The following STARD8 variants were observed in gnomAD, a reference collection of about 807,000 sequenced individuals.
The protein encoded by STARD8 is StAR related lipid transfer domain containing 8, also known as stAR-related lipid transfer protein 8.
STARD8 carries 25 observed loss-of-function variants against 69.4 expected under a neutral mutation model. The ratio of observed to expected loss-of-function variants is 0.36; its 90% confidence interval spans 0.26 to 0.50. STARD8 has a LOEUF of 0.50. Ranked by LOEUF, STARD8 falls within the 20% of genes least tolerant of loss-of-function variation. The pLI, the probability that STARD8 is intolerant of heterozygous loss-of-function variation, is 0.96. For missense variants in STARD8, 921 were observed against 932.5 expected, an observed-to-expected ratio of 0.99 and a Z score of 0.16; for synonymous variants, 389 against 374.6, an observed-to-expected ratio of 1.04 and a Z score of -0.45.
intron 7 of STARD8, among the ~76,000 whole-genome samples, chrX:68,719,769 T>G (rs2080131280): frequency 8.9e-6 from 1 of 112,315 alleles, no homozygotes; most frequent in Non-Finnish European, 1.9e-5. Context: ...CTACCGCTCC[T>G]AAGCAACCCC....
intron 2 of STARD8, among the ~76,000 whole-genome samples, chrX:68,700,756 G>A (rs1242784726): frequency 1.8e-5 from 2 of 111,725 alleles, no homozygotes; most frequent in African/African-American, 6.5e-5. Flanking sequence ...GGGGAATGTG[G>A]AAAAGGGGTC....
intron 3 of STARD8, 40 bp downstream of exon 3, chrX:68,713,025 A>T (rs1012535264): frequency 1.7e-6 from 2 of 1,148,372 alleles, no homozygotes; most frequent in Non-Finnish European, 2.4e-6. Flanking sequence ...TACTTCCCCT[A>T]GCCCTCAGTT....
chrX:68,675,434 C>A (rs1875197217), intron 2 of STARD8, among the ~76,000 whole-genome samples: 1 of 110,951 alleles, frequency 9.0e-6, no homozygotes, highest in South Asian at 3.8e-4. Context: ...AAATACCCAA[C>A]TCCTGAGTTG....
rs1398748833 is a variant in STARD8, at chrX:68,725,682, A to G, written c.*1260A>G. The G allele has an allele frequency of 5.6e-5, 6 of 107,305 alleles. No homozygotes were observed. The highest frequency in any genetic ancestry group is 2.0e-4 in the Admixed American group (2 of 9,961). 8.8% of individuals were successfully genotyped at this position (107,305 alleles called of 1,213,427 possible). A position where few individuals can be genotyped will look rare whatever the true frequency, so the allele number is the denominator to read the frequency against. On this transcript the variant is annotated 3_prime_UTR_variant, in exon 15 of 15. Transcript: ENST00000374599. ...TATATATACACACACGCATTTGCAC[A>G]GACACACACATATATCAATTCTCAT...
In STARD8 at chrX:68,701,538, GT is replaced by G. The variant is rs1048276991; in HGVS notation, c.80-11375del. 1.2e-4 allele frequency among the ~76,000 whole-genome samples: 13 copies of G among 113,030 alleles called. No homozygotes were observed. In the Admixed American group the frequency reaches 1.2e-3, roughly 10 times the overall value. ...CCCCAGGTCCTTGCCTGTCTGCTCTGTGCACTTCTTCTCACCCTCCATCACC... is the reference window on the plus strand; with the variant it reads ...CCCCAGGTCCTTGCCTGTCTGCTCTGGCACTTCTTCTCACCCTCCATCACC... On this transcript the variant is annotated intron_variant, in intron 2 of 14. Coordinates refer to ENST00000374599, the MANE Select transcript of STARD8 (RefSeq NM_001142503.3).
chrX:68,720,911 C>T lies in STARD8; in HGVS notation c.2050-13C>T. The T allele has an allele frequency of 1.7e-6, 2 of 1,207,396 alleles. No homozygotes were observed. The highest frequency in any genetic ancestry group is 1.8e-5 in the South Asian group (1 of 56,429). ...ATGTTTTCCTCACTCCCTCCCTCCC[C>T]TGCATGGAGTAGGTAGGCATCTTCC... On this transcript the variant is annotated splice_polypyrimidine_tract_variant and intron_variant, in intron 8 of 14. Transcript: ENST00000374599.
intron 1 of STARD8, among the ~76,000 whole-genome samples, chrX:68,652,839 A>AC: frequency 4.7e-5 from 2 of 42,948 alleles, no homozygotes; most frequent in South Asian, 1.4e-3. Context: ...CACCCCACAC[A>AC]CACCCCCACA....
At chrX:68,701,903 C>T (rs1218336526) in intron 2 of STARD8, among the ~76,000 whole-genome samples, 1 of 111,776 alleles carries the variant, frequency 8.9e-6, no homozygotes, top group African/African-American at 3.3e-5. Context: ...CACTAGCTGG[C>T]GTGTCCCATG....
chrX:68,724,479 A>G lies in STARD8; in HGVS notation c.*57A>G, dbSNP rs1171841052. 2 of 1,037,957 alleles carry G rather than the reference A, an allele frequency of 1.9e-6. No homozygotes were observed. Among genetic ancestry groups the G allele is most frequent in the Admixed American group, 5.0e-5 (2 of 40,179 alleles). The allele number at this position is 1,037,957 out of a possible 1,213,427, so 85.5% of individuals were successfully genotyped here. A position where few individuals can be genotyped will look rare whatever the true frequency, so the allele number is the denominator to read the frequency against. On this transcript the variant is annotated 3_prime_UTR_variant, in exon 15 of 15. Coordinates refer to ENST00000374599, the MANE Select transcript of STARD8 (RefSeq NM_001142503.3). The stretch of plus-strand genomic sequence containing the variant: ...AGGCCCCCTGGGCACCAAGGGAGCG[A>G]GGGGGAATAAGAGCAGGGCAGCCCC...
chrX:68,670,511 A>G (rs1201681435), intron 2 of STARD8, among the ~76,000 whole-genome samples: 1 of 111,181 alleles, frequency 9.0e-6, no homozygotes, highest in Non-Finnish European at 1.9e-5. Context: ...TGTTTTCAAG[A>G]GTGCAAGACA....
chrX:68,718,796 T>C (rs758668117), intron 6 of STARD8, among the ~76,000 whole-genome samples, 167 bp downstream of exon 6: 1 of 111,708 alleles, frequency 9.0e-6, no homozygotes, highest in African/African-American at 3.3e-5. Flanking sequence ...TCCAGAAAGT[T>C]AGGTCCAGAA....
At chrX:68,711,030 C>A (rs1216235507) in intron 2 of STARD8, among the ~76,000 whole-genome samples, 1 of 111,920 alleles carries the variant, frequency 8.9e-6, no homozygotes, top group East Asian at 2.8e-4. Context: ...GGTCTTACAT[C>A]ACCTAGACTA....
chrX:68,702,472 G>T (rs775610875), intron 2 of STARD8, among the ~76,000 whole-genome samples: 44 of 112,384 alleles, frequency 3.9e-4, no homozygotes, highest in African/African-American at 1.3e-3. Flanking sequence ...CATACAGGAT[G>T]ATCAAGTGCT....
intron 2 of STARD8, among the ~76,000 whole-genome samples, chrX:68,688,687 C>T (rs1238634043): frequency 8.9e-6 from 1 of 111,964 alleles, no homozygotes; most frequent in African/African-American, 3.2e-5. Flanking sequence ...CTGGGAGCAA[C>T]GCTGGGGGCA....
chrX:68,668,376 C>A (rs965503558), intron 2 of STARD8, among the ~76,000 whole-genome samples: 1 of 102,322 alleles, frequency 9.8e-6, no homozygotes, highest in South Asian at 4.6e-4. Context: ...CAGGCTGAAG[C>A]GCAGTGGTGC....
chrX:68,653,322 ACACACACACCCCACACAC>A (rs2079582953), intron 1 of STARD8, among the ~76,000 whole-genome samples: 2 of 26,798 alleles, frequency 7.5e-5, no homozygotes, highest in Non-Finnish European at 1.4e-4. Flanking sequence ...CACACACCAC[ACACACACACCCCACACAC>A]CACACACACC....
intron 2 of STARD8, chrX:68,693,761 G>T (rs748477708): frequency 3.3e-5 from 25 of 753,883 alleles, no homozygotes; most frequent in Non-Finnish European, 3.9e-5. Flanking sequence ...GTCCCTCCTG[G>T]GCTCGCCTCC....
At chrX:68,706,837 T>C (rs751542549) in intron 2 of STARD8, among the ~76,000 whole-genome samples, 1 of 113,049 alleles carries the variant, frequency 8.8e-6, no homozygotes, top group Admixed American at 9.2e-5. Context: ...TTAAGAGGGG[T>C]CCCTCTCTAG....
In STARD8 at chrX:68,718,152, T is replaced by C; in HGVS notation, c.1238T>C (p.Leu413Pro). Residue 413 changes from leucine to proline, a missense_variant, in exon 6 of 15, where the codon CTG becomes CCG. Physicochemically the swap from Leu to Pro is moderately conservative, Grantham distance 98. Coordinates refer to ENST00000374599, the MANE Select transcript of STARD8 (RefSeq NM_001142503.3). ...ELWSRAMYPD[L>P]GPGDEEEEEA... ...TGGTCTCGGGCCATGTACCCAGACC[T>C]GGGGCCTGGAGATGAGGAAGAGGAG... is the stretch of plus-strand genomic sequence containing the variant. The C allele has an allele frequency of 8.3e-7, 1 of 1,211,656 alleles. No individual in the cohort carries two copies. Among genetic ancestry groups the C allele is most frequent in the Non-Finnish European group, 1.1e-6 (1 of 895,465 alleles).
Sources: allele counts gnomAD v4.1 joint callset (sites outside exome capture counted in the v4.1 genomes callset), GRCh38; gene constraint gnomAD v4.1.1; transcripts MANE v1.5; gene names NCBI Gene and HGNC (gene_info 2026-07-23, HGNC 2026-07-21).